The following CNIH3 variants were observed in gnomAD, a reference collection of about 807,000 sequenced individuals.
The protein encoded by CNIH3 is cornichon family AMPA receptor auxiliary protein 3.
A neutral mutation model predicts 24.1 loss-of-function variants in CNIH3; 14 were observed. That is an observed-to-expected ratio of 0.58 (90% CI 0.38 to 0.91). The LOEUF (loss-of-function observed/expected upper bound fraction) is 0.91, where lower values mean the gene tolerates loss of function less well. CNIH3 is among the 40% of genes least tolerant of loss of function. The probability of loss-of-function intolerance (pLI) is 0.00; values close to 1 mark genes in which losing one functional copy is unlikely to be tolerated. For synonymous variants in CNIH3, 68 were observed against 73.8 expected (o/e 0.92, Z 0.40); for missense variants, 178 against 196.8 (o/e 0.90, Z 0.57).
downstream of CNIH3, among the ~76,000 whole-genome samples, chr1:224,540,693 T>C (rs1051792379): frequency 6.6e-6 from 1 of 152,262 alleles, no homozygotes; most frequent in South Asian, 2.1e-4. Context: ...GAATTTGTAA[T>C]GACAGCTTAA....
At chr1:224,621,064 T>C (rs1683255944) in intron 1 of CNIH3, among the ~76,000 whole-genome samples, 1 of 152,254 alleles carries the variant, frequency 6.6e-6, no homozygotes, top group Non-Finnish European at 1.5e-5. Context: ...ATTTCAGGTC[T>C]TTAGCTTTTG....
chr1:224,531,482 G>A (rs1305777066), intron 2 of CNIH3, among the ~76,000 whole-genome samples: 4 of 152,216 alleles, frequency 2.6e-5, no homozygotes, highest in African/African-American at 9.7e-5. Flanking sequence ...TGGAATTAGC[G>A]AAGTGAAGCT....
At chr1:224,435,058 G>A in intron 1 of CNIH3, 1 of 985,686 alleles carries the variant, frequency 1.0e-6, no homozygotes, top group African/African-American at 1.7e-5. Context: ...CGAGCAGTAA[G>A]TTCGTAGCCG....
intron 3 of CNIH3, among the ~76,000 whole-genome samples, chr1:224,599,192 G>A (rs1682109131): frequency 6.6e-6 from 1 of 152,090 alleles, no homozygotes; most frequent in Admixed American, 6.6e-5. Context: ...AATATGAAAT[G>A]GGCTCAGCTG....
At chr1:224,499,694 C>T (rs1220169830) in intron 1 of CNIH3, among the ~76,000 whole-genome samples, 3 of 151,980 alleles carry the variant, frequency 2.0e-5, no homozygotes, top group South Asian at 2.1e-4. Flanking sequence ...ATTTTTTGAA[C>T]ATCAAGAAAC....
At chr1:224,553,808 C>G (rs1458936279) in intron 3 of CNIH3, among the ~76,000 whole-genome samples, 1 of 150,700 alleles carries the variant, frequency 6.6e-6, no homozygotes, top group Non-Finnish European at 1.5e-5. Flanking sequence ...GTCTCCCTGC[C>G]TCCCTCCCTC....
At position 224,553,900 on chromosome 1, in the gene CNIH3, C is replaced by T. The variant is rs181460647; in HGVS notation, n.450+6961C>T. On this transcript the variant is annotated intron_variant and non_coding_transcript_variant, in intron 3 of 5. Coordinates refer to the CNIH3 transcript ENST00000471578. ...GATCCTCTATGGGTCTATAAAACAG[C>T]GAATTTGCACTCAAATACTTCGTAC... Among the ~76,000 whole-genome samples the T allele has an allele frequency of 2.8e-3, 431 of 151,644 alleles. 3 individuals are homozygous for T. The highest frequency in any genetic ancestry group is 0.018 in the South Asian group (86 of 4,796).
At chr1:224,610,701 G>C (rs926399185) in intron 3 of CNIH3, among the ~76,000 whole-genome samples, 3 of 152,166 alleles carry the variant, frequency 2.0e-5, no homozygotes, top group Non-Finnish European at 4.4e-5. Context: ...CTATATATTA[G>C]AAGAAGGCAG....
Position 224,543,379 on chromosome 1 carries a change from G to A in CNIH3, n.340-3450G>A, listed in dbSNP as rs918060033. Among the ~76,000 whole-genome samples the A allele has an allele frequency of 2.2e-4, 34 of 152,130 alleles. 1 individual carries two copies. Among genetic ancestry groups the A allele is most frequent in the Non-Finnish European group, 7.3e-5 (5 of 68,034 alleles). ...ACTGTAATTACCAGTACTCTCCTGC[G>A]TACTTTAGTTCACGGGAGTTCTGTG... On this transcript the variant is annotated intron_variant and non_coding_transcript_variant, in intron 2 of 5. Coordinates refer to the CNIH3 transcript ENST00000471578.
At chr1:224,630,929 G>A (rs1229699576) in intron 1 of CNIH3, among the ~76,000 whole-genome samples, 1 of 152,072 alleles carries the variant, frequency 6.6e-6, no homozygotes, top group Non-Finnish European at 1.5e-5. Context: ...GGGAGGCTGG[G>A]GCAGGCGGAT....
At chr1:224,658,246 A>T (rs1218685789) in intron 1 of CNIH3, among the ~76,000 whole-genome samples, 1 of 152,172 alleles carries the variant, frequency 6.6e-6, no homozygotes, top group Non-Finnish European at 1.5e-5. Context: ...GCTCACTGCA[A>T]CCTCAACCTC....
intron 3 of CNIH3, among the ~76,000 whole-genome samples, chr1:224,685,485 T>C (rs932494835): frequency 3.3e-5 from 5 of 152,178 alleles, no homozygotes; most frequent in Non-Finnish European, 7.4e-5. Context: ...CTGTGTCTCT[T>C]TCCCAAAAAA....
chr1:224,608,131 A>C (rs1682512420), intron 3 of CNIH3, among the ~76,000 whole-genome samples: 5 of 152,194 alleles, frequency 3.3e-5, no homozygotes, highest in Admixed American at 3.3e-4. Flanking sequence ...AGAGCAGGAG[A>C]GAACGTTTAT....
At chr1:224,453,630 T>TG (rs1214308169) in intron 1 of CNIH3, among the ~76,000 whole-genome samples, 1 of 151,416 alleles carries the variant, frequency 6.6e-6, no homozygotes, top group East Asian at 1.9e-4. Flanking sequence ...GGTGGGATTT[T>TG]TTTTTTTTTT....
chr1:224,669,668 AAT>A (rs1246421485), intron 1 of CNIH3, among the ~76,000 whole-genome samples: 6 of 152,208 alleles, frequency 3.9e-5, no homozygotes, highest in African/African-American at 1.4e-4. Context: ...GCATGGTAAT[AAT>A]TATGGAAATA....
chr1:224,637,865 C>G (rs1191049872), intron 1 of CNIH3, among the ~76,000 whole-genome samples: 1 of 152,190 alleles, frequency 6.6e-6, no homozygotes, highest in African/African-American at 2.4e-5. Context: ...GCACCCCACA[C>G]CCCCAGTCCC....
At chr1:224,733,248 A>G (rs1470075834) in intron 4 of CNIH3, among the ~76,000 whole-genome samples, 1 of 152,190 alleles carries the variant, frequency 6.6e-6, no homozygotes, top group African/African-American at 2.4e-5. Context: ...TGAGGCTCAG[A>G]TGGGTTAATG....
chr1:224,552,758 G>A (rs569673256), intron 3 of CNIH3, among the ~76,000 whole-genome samples: 18 of 151,218 alleles, frequency 1.2e-4, no homozygotes, highest in Non-Finnish European at 1.9e-4. Flanking sequence ...TAATATCACC[G>A]GGTGTACACT....
intron 2 of CNIH3, among the ~76,000 whole-genome samples, chr1:224,525,636 A>G (rs911025768): frequency 2.1e-4 from 32 of 152,336 alleles, no homozygotes; most frequent in African/African-American, 7.5e-4. Context: ...TTTGTGGGCC[A>G]TCACCCTTGG....
Sources: allele counts gnomAD v4.1 joint callset (sites outside exome capture counted in the v4.1 genomes callset), GRCh38; gene constraint gnomAD v4.1.1; transcripts MANE v1.5; gene names NCBI Gene and HGNC (gene_info 2026-07-23, HGNC 2026-07-21).